Variants in TMPRSS15 observed in about 807,000 individuals in gnomAD.
The protein encoded by TMPRSS15 is enteropeptidase.
TMPRSS15 carries 128 observed loss-of-function variants against 125.3 expected under a neutral mutation model. The observed-to-expected ratio is 1.02, with a 90% confidence interval of 0.89 to 1.18. TMPRSS15 has a LOEUF of 1.18. Ranked by LOEUF, TMPRSS15 falls within the 50% of genes most tolerant of loss-of-function variation. The pLI, the probability that TMPRSS15 is intolerant of heterozygous loss-of-function variation, is 0.00. For synonymous variants in TMPRSS15, 446 were observed against 423.2 expected, an observed-to-expected ratio of 1.05 and a Z score of -0.66; for missense variants, 1,283 against 1,212.7, an observed-to-expected ratio of 1.06 and a Z score of -0.86.
rs2075154125 is a variant in TMPRSS15, at chr21:18,315,442, A to AG, written c.1922-187_1922-186insC. On this transcript the variant is annotated intron_variant, in intron 16 of 24. Transcript: ENST00000284885. The stretch of plus-strand genomic sequence containing the variant: ...CACCAACATGGCACATGTATACACA[A>AG]TAACAAACCTGCACGTTGTGCACAT... Among the ~76,000 whole-genome samples, 3 of 46,344 alleles carry AG rather than the reference A, an allele frequency of 6.5e-5. 1 individual carries two copies. Among genetic ancestry groups the AG allele is most frequent in the Non-Finnish European group, 1.3e-4 (3 of 23,702 alleles). 30.4% of individuals were successfully genotyped at this position (46,344 alleles called of 152,430 possible). A position where few individuals can be genotyped will look rare whatever the true frequency, so the allele number is the denominator to read the frequency against.
chr21:18,361,229 C>T (rs980158244), intron 7 of TMPRSS15, among the ~76,000 whole-genome samples: 2 of 152,106 alleles, frequency 1.3e-5, no homozygotes, highest in African/African-American at 4.8e-5. Flanking sequence ...TACAACTCCA[C>T]TGTCTCATTA....
intron 1 of TMPRSS15, among the ~76,000 whole-genome samples, chr21:18,483,673 T>G (rs1213318956): frequency 1.3e-5 from 2 of 151,948 alleles, no homozygotes; most frequent in African/African-American, 4.8e-5. Flanking sequence ...GGATATTATT[T>G]CAACATTTTT....
chr21:18,345,050 T>A (rs538155281), intron 10 of TMPRSS15, among the ~76,000 whole-genome samples: 1 of 152,306 alleles, frequency 6.6e-6, no homozygotes, highest in Admixed American at 6.5e-5. Flanking sequence ...AAGAAGCTAG[T>A]AGAACTGCCT....
intron 13 of TMPRSS15, 85 bp downstream of exon 13, chr21:18,341,327 TC>T (rs1164886439): frequency 7.8e-6 from 12 of 1,547,280 alleles, no homozygotes; most frequent in Middle Eastern, 1.7e-4. Flanking sequence ...TGCTTCAGCC[TC>T]CCGAAGTGCT....
chr21:18,381,296 A>G (rs538519318), intron 4 of TMPRSS15, among the ~76,000 whole-genome samples: 1 of 152,138 alleles, frequency 6.6e-6, no homozygotes, highest in Non-Finnish European at 1.5e-5. Flanking sequence ...GAAGTTTTGT[A>G]AATGATACAT....
intron 1 of TMPRSS15, 38 bp downstream of exon 1, chr21:18,403,440 C>T (rs2123147830): frequency 6.2e-7 from 1 of 1,613,884 alleles, no homozygotes; most frequent in Non-Finnish European, 8.5e-7. Context: ...GTACATTCAG[C>T]TGAGAGCACC....
At chr21:18,354,090 GAT>G (rs1355180340) in intron 8 of TMPRSS15, among the ~76,000 whole-genome samples, 16 of 151,842 alleles carry the variant, frequency 1.1e-4, no homozygotes, top group African/African-American at 3.6e-4. Context: ...TTTATGGTTT[GAT>G]AAAAAAGGTA....
At chr21:18,447,098 T>C (rs1346200614) in intron 1 of TMPRSS15, among the ~76,000 whole-genome samples, 1 of 151,970 alleles carries the variant, frequency 6.6e-6, no homozygotes, top group Non-Finnish European at 1.5e-5. Context: ...AAATAACAAA[T>C]AATTAATAAT....
chr21:18,418,995 G>GA (rs572214078), intron 1 of TMPRSS15, among the ~76,000 whole-genome samples: 5 of 152,258 alleles, frequency 3.3e-5, no homozygotes, highest in African/African-American at 9.6e-5. Flanking sequence ...GAGCCAGGGG[G>GA]AAAAATCACT....
intron 1 of TMPRSS15, among the ~76,000 whole-genome samples, chr21:18,401,375 T>C (rs2076093226): frequency 6.6e-6 from 1 of 152,154 alleles, no homozygotes; most frequent in South Asian, 2.1e-4. Context: ...GTGGTACATA[T>C]GCATTGTGGA....
At chr21:18,292,048 C>T (rs726490) in intron 21 of TMPRSS15, among the ~76,000 whole-genome samples, 6 of 152,070 alleles carry the variant, frequency 3.9e-5, no homozygotes, top group East Asian at 1.9e-4. Context: ...AAGATACCTA[C>T]GAGGACACAT....
chr21:18,423,076 G>A (rs547572486), intron 1 of TMPRSS15, among the ~76,000 whole-genome samples: 1 of 152,190 alleles, frequency 6.6e-6, no homozygotes, highest in Non-Finnish European at 1.5e-5. Flanking sequence ...GTTCACCAAA[G>A]GCAGGTTACT....
At chr21:18,296,063 G>A (rs377662549) in intron 19 of TMPRSS15, among the ~76,000 whole-genome samples, 8 of 152,300 alleles carry the variant, frequency 5.3e-5, no homozygotes, top group Admixed American at 2.0e-4. Flanking sequence ...TGAGGCAGGA[G>A]AATGGTGGGA....
At chr21:18,395,386 T>A (rs923990722) in intron 3 of TMPRSS15, among the ~76,000 whole-genome samples, 1 of 152,300 alleles carries the variant, frequency 6.6e-6, no homozygotes. Context: ...GAACCACACA[T>A]TAATAATTCA....
intron 10 of TMPRSS15, among the ~76,000 whole-genome samples, chr21:18,347,786 T>A (rs1260584015): frequency 6.6e-6 from 1 of 152,180 alleles, no homozygotes; most frequent in Non-Finnish European, 1.5e-5. Flanking sequence ...ACCCTTTGAC[T>A]TCCTTGAAAT....
At chr21:18,366,372 T>C (rs1052087733) in intron 6 of TMPRSS15, among the ~76,000 whole-genome samples, 2 of 152,192 alleles carry the variant, frequency 1.3e-5, no homozygotes, top group Non-Finnish European at 2.9e-5. Flanking sequence ...TTTCTATATT[T>C]TCATTCAATA....
intron 24 of TMPRSS15, among the ~76,000 whole-genome samples, chr21:18,270,346 T>A (rs1178019522): frequency 6.6e-6 from 1 of 152,196 alleles, no homozygotes; most frequent in East Asian, 1.9e-4. Flanking sequence ...TTATAATTTT[T>A]ACAGTGCACC....
intron 15 of TMPRSS15, among the ~76,000 whole-genome samples, chr21:18,328,109 G>A (rs936568003): frequency 6.6e-6 from 1 of 152,088 alleles, no homozygotes; most frequent in Non-Finnish European, 1.5e-5. Flanking sequence ...TAGCTATTAT[G>A]TTTGACTGAT....
intron 1 of TMPRSS15, among the ~76,000 whole-genome samples, chr21:18,417,921 T>C (rs984995919): frequency 2.0e-5 from 3 of 152,096 alleles, no homozygotes; most frequent in African/African-American, 7.2e-5. Context: ...ATACACCTAC[T>C]TGGAATATAA....
Sources: allele counts gnomAD v4.1 joint callset (sites outside exome capture counted in the v4.1 genomes callset), GRCh38; gene constraint gnomAD v4.1.1; transcripts MANE v1.5; gene names NCBI Gene and HGNC (gene_info 2026-07-23, HGNC 2026-07-21).